Variants in CNOT4 observed in about 807,000 individuals in gnomAD.
The protein encoded by CNOT4 is CCR4-NOT transcription complex subunit 4, also known as CCR4-associated factor 4.
CNOT4 carries 8 observed loss-of-function variants against 73.8 expected under a neutral mutation model. The observed-to-expected ratio is 0.11, with a 90% CI of 0.06 to 0.20. The LOEUF is 0.20. Ranked by LOEUF, CNOT4 falls within the 10% of genes least tolerant of loss-of-function variation. The pLI is 1.00. For synonymous variants in CNOT4, 293 were observed against 321.1 expected (o/e 0.91, Z 0.94); for missense variants, 564 against 883.4 (o/e 0.64, Z 4.58).
At chr7:135,387,815 T>C (rs1357565125) in intron 10 of CNOT4, 3 of 979,822 alleles carry the variant, frequency 3.1e-6, no homozygotes, top group Non-Finnish European at 3.6e-6. Context: ...TTCTCTTGAT[T>C]AAAATTATCT....
intron 1 of CNOT4, among the ~76,000 whole-genome samples, chr7:135,483,885 C>A (rs899967041): frequency 3.9e-5 from 6 of 152,096 alleles, no homozygotes; most frequent in African/African-American, 4.8e-5. Context: ...TGGCAAAGAA[C>A]ATCTACAAAA....
At chr7:135,372,554 T>G (rs999896510) in intron 10 of CNOT4, among the ~76,000 whole-genome samples, 1 of 140,838 alleles carries the variant, frequency 7.1e-6, no homozygotes, top group Non-Finnish European at 1.6e-5. Flanking sequence ...TTTGCTACCA[T>G]GTTTTTTTTT....
At chr7:135,379,775 A>G (rs1486370978) in intron 10 of CNOT4, among the ~76,000 whole-genome samples, 4 of 152,202 alleles carry the variant, frequency 2.6e-5, no homozygotes, top group Non-Finnish European at 5.9e-5. Context: ...GATACTAAAC[A>G]TATAGATGTA....
chr7:135,384,634 T>C (rs1796028683), intron 10 of CNOT4: 1 of 764,552 alleles, frequency 1.3e-6, no homozygotes, highest in East Asian at 2.4e-5. Context: ...AGCTTATCTC[T>C]TCCCACCACC....
chr7:135,420,577 C>CAA (rs71174521), intron 3 of CNOT4, among the ~76,000 whole-genome samples: 10,859 of 53,054 alleles, frequency 0.2, 935 homozygotes, highest in East Asian at 0.41. Flanking sequence ...ACCATGTCTC[C>CAA]AAAAAAAAAA....
At chr7:135,398,108 T>A in intron 8 of CNOT4, 61 bp downstream of exon 8, 1 of 893,546 alleles carries the variant, frequency 1.1e-6, no homozygotes. Context: ...TTCACCTGCA[T>A]GGAATACCTT....
intron 1 of CNOT4, among the ~76,000 whole-genome samples, chr7:135,506,834 C>T (rs866114020): frequency 5.4e-5 from 8 of 147,714 alleles, no homozygotes; most frequent in South Asian, 2.1e-4. Context: ...AGTGACAGAG[C>T]GAGACTGTCT....
chr7:135,445,947 G>C (rs1799797575), intron 1 of CNOT4, among the ~76,000 whole-genome samples: 1 of 152,134 alleles, frequency 6.6e-6, no homozygotes, highest in Non-Finnish European at 1.5e-5. Flanking sequence ...TGGGATCATA[G>C]CTCACTGCAG....
At chr7:135,456,420 T>C (rs1470109200) in intron 1 of CNOT4, among the ~76,000 whole-genome samples, 2 of 152,098 alleles carry the variant, frequency 1.3e-5, no homozygotes, top group Non-Finnish European at 2.9e-5. Context: ...TTTTATCTTA[T>C]ACTTCTTCCT....
chr7:135,453,814 A>T (rs368942431), intron 1 of CNOT4, among the ~76,000 whole-genome samples: 2,822 of 108,322 alleles, frequency 0.026, 108 homozygotes, highest in African/African-American at 0.085. Flanking sequence ...ATATATAATA[A>T]ATATATATAT....
In CNOT4 at chr7:135,510,042, A is replaced by C. The variant is rs1030508610; in HGVS notation, c.-246T>G. 1 of 398,986 alleles carries C rather than the reference A, an allele frequency of 2.5e-6. No homozygotes were observed. The highest frequency in any genetic ancestry group is 4.4e-6 in the Non-Finnish European group (1 of 226,138). 24.7% of individuals were successfully genotyped at this position (398,986 alleles called of 1,614,324 possible). A position where few individuals can be genotyped will look rare whatever the true frequency, so the allele number is the denominator to read the frequency against. On this transcript the variant is annotated 5_prime_UTR_variant, in exon 1 of 12. An upstream open reading frame in the 5' UTR loses its in-frame stop. Coordinates refer to ENST00000541284, the MANE Select transcript of CNOT4 (RefSeq NM_001190850.2). ...CTTTACGGCTGAGAGAGAGACTCTC[A>C]GCTTTCGGTGGGTTCCACAGCCAGA... is the stretch of plus-strand genomic sequence containing the variant.
At chr7:135,381,611 AAC>A (rs1272421053) in intron 10 of CNOT4, among the ~76,000 whole-genome samples, 1 of 152,326 alleles carries the variant, frequency 6.6e-6, no homozygotes, top group African/African-American at 2.4e-5. Context: ...TACTGGGTAA[AAC>A]ACAGAGTCTA....
At chr7:135,413,683 G>A (rs780447149) in intron 5 of CNOT4, 70 bp from the exon 6 acceptor site, 36 of 1,489,898 alleles carry the variant, frequency 2.4e-5, no homozygotes, top group Non-Finnish European at 3.3e-5. Flanking sequence ...GAATCTCCAT[G>A]TTTAGTGTTT....
Position 135,510,090 on chromosome 7 carries a change from G to C in CNOT4, c.-294C>G. On this transcript the variant is annotated 5_prime_UTR_variant, in exon 1 of 12. Coordinates refer to ENST00000541284, the MANE Select transcript of CNOT4 (RefSeq NM_001190850.2). ...AGACGGGCCACCATCTTACATTAGGGTAAGACTCCTCCGGCCTCCCGTGCG... is the reference window on the plus strand; with the variant it reads ...AGACGGGCCACCATCTTACATTAGGCTAAGACTCCTCCGGCCTCCCGTGCG... The C allele has an allele frequency of 2.5e-6, 1 of 399,026 alleles. No individual in the cohort carries two copies. The highest frequency in any genetic ancestry group is 4.4e-6 in the Non-Finnish European group (1 of 226,086). The allele number at this position is 399,026 out of a possible 1,614,324, so 24.7% of individuals were successfully genotyped here.
At chr7:135,420,037 C>A (rs1798093528) in intron 3 of CNOT4, among the ~76,000 whole-genome samples, 2 of 90 alleles carry the variant, frequency 0.022, no homozygotes, top group African/African-American at 0.11. Context: ...GGGCAAAAAA[C>A]AAACAACAAC....
intron 7 of CNOT4, among the ~76,000 whole-genome samples, chr7:135,404,355 G>A (rs191588968): frequency 5.9e-5 from 9 of 152,220 alleles, no homozygotes; most frequent in Admixed American, 2.6e-4. Flanking sequence ...TTCCACTCCT[G>A]AATTCACCTC....
At position 135,420,577 on chromosome 7, in the gene CNOT4, CAAAAA is replaced by C. The variant is rs71174521; in HGVS notation, c.372+1574_372+1578del. Among the ~76,000 whole-genome samples the C allele has an allele frequency of 9.4e-5, 5 of 53,372 alleles. No homozygotes were observed. In the South Asian group the frequency reaches 2.2e-3, roughly 24 times the overall value. 35.0% of individuals were successfully genotyped at this position (53,372 alleles called of 152,430 possible). ...GGGTGACAAAGTGAGACCATGTCTC[CAAAAA>C]AAAAAAAAAAAAAAAAAGTAGATTC... On this transcript the variant is annotated intron_variant, in intron 3 of 11. Coordinates refer to ENST00000541284, the MANE Select transcript of CNOT4 (RefSeq NM_001190850.2).
At chr7:135,426,863 C>T (rs1424937697) in intron 2 of CNOT4, among the ~76,000 whole-genome samples, 1 of 148,604 alleles carries the variant, frequency 6.7e-6, no homozygotes, top group Non-Finnish European at 1.5e-5. Context: ...ATGGAGGTTG[C>T]AGTGAGTGGA....
intron 1 of CNOT4, among the ~76,000 whole-genome samples, chr7:135,492,390 G>A (rs766847865): frequency 1.3e-5 from 2 of 152,160 alleles, no homozygotes; most frequent in Non-Finnish European, 2.9e-5. Flanking sequence ...GGGCAGAAAG[G>A]AGCAAGTGAG....
Sources: gnomAD v4.1 joint callset for allele counts (sites outside exome capture counted in the v4.1 genomes callset) on GRCh38, gnomAD v4.1.1 for gene constraint, MANE v1.5 for transcripts, NCBI Gene and HGNC (gene_info 2026-07-23, HGNC 2026-07-21) for gene names.